FOXP2: variants seen among roughly 807,000 people sequenced by gnomAD.
FOXP2 encodes the protein forkhead box protein P2.
FOXP2 carries 12 observed loss-of-function variants against 115.8 expected under a neutral mutation model. That is an observed-to-expected ratio of 0.10 (90% confidence interval 0.07 to 0.17). FOXP2 has a LOEUF of 0.17. FOXP2 is among the 10% of genes least tolerant of loss of function. FOXP2 has a pLI of 1.00. For missense variants in FOXP2, 629 were observed against 843.5 expected, an observed-to-expected ratio of 0.75 and a Z score of 3.15; for synonymous variants, 328 against 297.7, an observed-to-expected ratio of 1.10 and a Z score of -1.05.
chr7:114,227,717 T>G (rs2129165173), intron 1 of FOXP2, among the ~76,000 whole-genome samples: 1 of 152,160 alleles, frequency 6.6e-6, no homozygotes, highest in South Asian at 2.1e-4. Flanking sequence ...GTATACACCT[T>G]ATTTCTGCTC....
intron 1 of FOXP2, among the ~76,000 whole-genome samples, chr7:114,240,918 T>G (rs1795135308): frequency 6.6e-6 from 1 of 152,182 alleles, no homozygotes; most frequent in Non-Finnish European, 1.5e-5. Context: ...TTTAAGATGC[T>G]TATAGGTTAT....
intron 2 of FOXP2, among the ~76,000 whole-genome samples, chr7:114,402,630 T>G (rs1792913119): frequency 6.6e-6 from 1 of 151,820 alleles, no homozygotes; most frequent in Non-Finnish European, 1.5e-5. Flanking sequence ...ATTTTTTTTT[T>G]TTTTTTTGAG....
intron 2 of FOXP2, among the ~76,000 whole-genome samples, chr7:114,484,607 A>G (rs1796694526): frequency 6.6e-6 from 1 of 151,972 alleles, no homozygotes; most frequent in Non-Finnish European, 1.5e-5. Flanking sequence ...CATTTCTGCA[A>G]ATAAAATGGT....
intron 1 of FOXP2, among the ~76,000 whole-genome samples, chr7:114,184,699 A>G (rs1793548472): frequency 6.6e-6 from 1 of 152,134 alleles, no homozygotes; most frequent in African/African-American, 2.4e-5. Flanking sequence ...GACAAAATAA[A>G]TAGATAAAAC....
intron 2 of FOXP2, among the ~76,000 whole-genome samples, chr7:114,497,342 G>A (rs1476792165): frequency 6.6e-6 from 1 of 152,068 alleles, no homozygotes; most frequent in African/African-American, 2.4e-5. Context: ...AATACATAAA[G>A]GTCACTTTTA....
intron 3 of FOXP2, among the ~76,000 whole-genome samples, chr7:114,606,794 A>G (rs982921948): frequency 6.6e-6 from 1 of 152,212 alleles, no homozygotes; most frequent in African/African-American, 2.4e-5. Flanking sequence ...TATTATATTA[A>G]CAATCAAATT....
At chr7:114,360,767 G>T (rs1324078072) in intron 2 of FOXP2, among the ~76,000 whole-genome samples, 2 of 152,176 alleles carry the variant, frequency 1.3e-5, no homozygotes, top group African/African-American at 2.4e-5. Flanking sequence ...TATAAGATAA[G>T]TTGTAAAGCC....
intron 2 of FOXP2, among the ~76,000 whole-genome samples, chr7:114,468,092 G>A (rs1300207122): frequency 6.6e-6 from 1 of 152,110 alleles, no homozygotes; most frequent in Non-Finnish European, 1.5e-5. Flanking sequence ...AAAGCTTCAT[G>A]TACATTTCAT....
intron 3 of FOXP2, among the ~76,000 whole-genome samples, chr7:114,606,350 G>A (rs1803326424): frequency 6.6e-6 from 1 of 152,102 alleles, no homozygotes; most frequent in Non-Finnish European, 1.5e-5. Flanking sequence ...AGGGCCGGTA[G>A]ATAAGTTAGC....
At chr7:114,099,386 T>C (rs1045544166) in intron 1 of FOXP2, among the ~76,000 whole-genome samples, 3 of 152,280 alleles carry the variant, frequency 2.0e-5, no homozygotes, top group African/African-American at 7.2e-5. Flanking sequence ...AATGTCGTGC[T>C]TCTGTGCAGA....
At chr7:114,200,781 CT>C (rs1256857218) in intron 1 of FOXP2, among the ~76,000 whole-genome samples, 2 of 152,254 alleles carry the variant, frequency 1.3e-5, no homozygotes, top group South Asian at 4.1e-4. Context: ...CTTTTTTCCC[CT>C]ATGCTACTAT....
chr7:114,498,436 G>C (rs1369449488), intron 2 of FOXP2, among the ~76,000 whole-genome samples: 1 of 152,122 alleles, frequency 6.6e-6, no homozygotes, highest in African/African-American at 2.4e-5. Flanking sequence ...AATCATCTAA[G>C]TAAAATATAT....
At chr7:114,686,145 T>C (rs1001685209) in intron 16 of FOXP2, among the ~76,000 whole-genome samples, 1 of 152,052 alleles carries the variant, frequency 6.6e-6, no homozygotes, top group African/African-American at 2.4e-5. Flanking sequence ...TTTTATACTA[T>C]AGTCTATGCA....
intron 2 of FOXP2, among the ~76,000 whole-genome samples, chr7:114,498,649 G>A (rs1468753467): frequency 6.6e-6 from 1 of 152,016 alleles, no homozygotes; most frequent in African/African-American, 2.4e-5. Flanking sequence ...ATCTTAATAG[G>A]TAACTATCTA....
chr7:114,546,400 A>C (rs759270383), intron 3 of FOXP2, among the ~76,000 whole-genome samples: 1 of 152,252 alleles, frequency 6.6e-6, no homozygotes, highest in African/African-American at 2.4e-5. Context: ...CACCTGATAC[A>C]TTACAACCAT....
chr7:114,304,503 C>T (rs1796958261), intron 2 of FOXP2, among the ~76,000 whole-genome samples: 1 of 151,660 alleles, frequency 6.6e-6, no homozygotes, highest in African/African-American at 2.4e-5. Context: ...AAAATTATCT[C>T]TGCTAAAAAT....
chr7:114,559,117 G>T (rs1362812620), intron 3 of FOXP2, among the ~76,000 whole-genome samples: 2 of 152,050 alleles, frequency 1.3e-5, no homozygotes, highest in African/African-American at 4.8e-5. Context: ...TAAGTACTCT[G>T]CAGGGATATC....
At chr7:114,390,023 C>CAAAAAAAAAAAAAAAAAAAAAAAAAA (rs11311566) in intron 2 of FOXP2, among the ~76,000 whole-genome samples, 1 of 93,192 alleles carries the variant, frequency 1.1e-5, no homozygotes. Flanking sequence ...CATTCAGTGT[C>CAAAAAAAAAAAAAAAAAAAAAAAAAA]AAAAAAAAAA....
intron 2 of FOXP2, among the ~76,000 whole-genome samples, chr7:114,473,885 TAA>T (rs149594305): frequency 6.7e-6 from 1 of 148,582 alleles, no homozygotes; most frequent in Admixed American, 6.7e-5. Flanking sequence ...ACATCAAGTT[TAA>T]AAAAAAAAGC....
Sources: allele counts gnomAD v4.1 joint callset (sites outside exome capture counted in the v4.1 genomes callset), GRCh38; gene constraint gnomAD v4.1.1; transcripts MANE v1.5; gene names NCBI Gene and HGNC (gene_info 2026-07-23, HGNC 2026-07-21).